The following ARID4A variants were observed in gnomAD, a reference collection of about 807,000 sequenced individuals.
ARID4A encodes the protein AT-rich interactive domain-containing protein 4A.
A neutral mutation model predicts 148.6 loss-of-function variants in ARID4A; 39 were observed. The observed-to-expected ratio is 0.26, with a 90% CI of 0.20 to 0.34. The LOEUF is 0.34. Ranked by LOEUF, ARID4A falls within the 10% of genes least tolerant of loss-of-function variation. ARID4A has a pLI of 1.00. For missense variants in ARID4A, 1,265 were observed against 1,449.1 expected (o/e 0.87, Z 2.06); for synonymous variants, 475 against 481.2 (o/e 0.99, Z 0.17).
intron 5 of ARID4A, among the ~76,000 whole-genome samples, chr14:58,310,197 T>G (rs868057821): frequency 1.3e-4 from 20 of 152,148 alleles, no homozygotes; most frequent in Admixed American, 6.5e-5. Context: ...TTTCTTAAAT[T>G]TTCAGATTCC....
At chr14:58,362,347 G>C (rs760325212) in intron 19 of ARID4A, among the ~76,000 whole-genome samples, 6 of 152,076 alleles carry the variant, frequency 3.9e-5, no homozygotes, top group Non-Finnish European at 8.8e-5. Context: ...CCAGCACCTT[G>C]GGAGGCTGAG....
chr14:58,335,542 A>T (rs934132181), intron 11 of ARID4A, among the ~76,000 whole-genome samples: 4 of 151,730 alleles, frequency 2.6e-5, no homozygotes, highest in Non-Finnish European at 5.9e-5. Context: ...CAAACTCCCA[A>T]CCTCAGGTGA....
chr14:58,366,812 T>C, intron 22 of ARID4A, 71 bp from the exon 23 acceptor site: 1 of 1,214,734 alleles, frequency 8.2e-7, no homozygotes. Flanking sequence ...GTTAGACGTT[T>C]GATAGAATTG....
In ARID4A at chr14:58,372,111, T is replaced by G. The variant is rs1306205861; in HGVS notation, c.*122T>G. On this transcript the variant is annotated 3_prime_UTR_variant, in exon 24 of 24. Coordinates refer to ENST00000355431, the MANE Select transcript of ARID4A (RefSeq NM_002892.4). Reference sequence around the variant, plus strand: ...TTGCTAAGTATATCCTGTATACTTTTCCAGGCTGGATTGTATCTATTCCCC... The same window carrying G: ...TTGCTAAGTATATCCTGTATACTTTGCCAGGCTGGATTGTATCTATTCCCC... 4.4e-6 allele frequency: 3 copies of G among 680,946 alleles called. No homozygotes were observed. Among genetic ancestry groups the G allele is most frequent in the Non-Finnish European group, 7.6e-6 (3 of 393,938 alleles). The allele number at this position is 680,946 out of a possible 1,614,324, so 42.2% of individuals were successfully genotyped here. A position where few individuals can be genotyped will look rare whatever the true frequency, so the allele number is the denominator to read the frequency against.
chr14:58,318,354 G>A (rs577814457), intron 5 of ARID4A, among the ~76,000 whole-genome samples, 188 bp from the exon 6 acceptor site: 161 of 152,298 alleles, frequency 1.1e-3, no homozygotes, highest in Middle Eastern at 3.4e-3. Flanking sequence ...CATTTAACCT[G>A]TGTTTTTGGT....
chr14:58,365,235 T>G lies in ARID4A; in HGVS notation c.3146T>G (p.Phe1049Cys). The G allele has an allele frequency of 1.2e-6, 2 of 1,614,052 alleles. No homozygotes were observed. The highest frequency in any genetic ancestry group is 2.2e-5 in the South Asian group (2 of 91,068). The change falls in exon 20 of 24, where the codon TTT becomes TGT. Residue 1049 changes from phenylalanine to cysteine, a missense_variant. By Grantham distance (205) the Phe-to-Cys change is radical. Coordinates refer to ENST00000355431, the MANE Select transcript of ARID4A (RefSeq NM_002892.4). The part of the protein sequence containing the change: ...GLCERESANG[F>C]ETNVASGTCS... ...TGTGAGAGGGAATCGGCAAATGGAT[T>G]TGAAACTAATGTTGCCTCTGGTACC...
Position 58,373,190 on chromosome 14 carries a change from C to T in ARID4A, c.*1201C>T. 1 of 200,620 alleles carries T rather than the reference C, an allele frequency of 5.0e-6. No homozygotes were observed. 12.4% of individuals were successfully genotyped at this position (200,620 alleles called of 1,614,324 possible). A position where few individuals can be genotyped will look rare whatever the true frequency, so the allele number is the denominator to read the frequency against. On this transcript the variant is annotated 3_prime_UTR_variant, in exon 24 of 24. Transcript: ENST00000355431. Reference sequence around the variant, plus strand: ...TGTCACAGTTTTTATGTTTGCTATACTGCCGAATGAATTTATATCTCCCAA... The same window carrying T: ...TGTCACAGTTTTTATGTTTGCTATATTGCCGAATGAATTTATATCTCCCAA...
At chr14:58,370,783 G>GT (rs910173040) in intron 23 of ARID4A, among the ~76,000 whole-genome samples, 3 of 148,492 alleles carry the variant, frequency 2.0e-5, no homozygotes, top group African/African-American at 4.9e-5. Flanking sequence ...TAATTTTTTA[G>GT]TTTTTTTTGT....
At chr14:58,343,576 C>G (rs762082672) in intron 11 of ARID4A, among the ~76,000 whole-genome samples, 3 of 152,074 alleles carry the variant, frequency 2.0e-5, no homozygotes, top group Non-Finnish European at 4.4e-5. Context: ...TGCCTGTAAT[C>G]CCAGCACTTT....
chr14:58,321,517 C>T (rs2032887853), intron 7 of ARID4A, among the ~76,000 whole-genome samples: 2 of 152,064 alleles, frequency 1.3e-5, no homozygotes, highest in Non-Finnish European at 2.9e-5. Flanking sequence ...GACAAGGTAT[C>T]CTAGGCTCAT....
chr14:58,351,364 G>A (rs768714022), intron 16 of ARID4A, 41 bp downstream of exon 16: 3 of 1,562,130 alleles, frequency 1.9e-6, no homozygotes, highest in Non-Finnish European at 2.6e-6. Context: ...CACCTGTCTG[G>A]GGTACAACAG....
chr14:58,335,540 C>A (rs1249392555), intron 11 of ARID4A, among the ~76,000 whole-genome samples: 3 of 151,980 alleles, frequency 2.0e-5, no homozygotes, highest in African/African-American at 7.2e-5. Context: ...CTCAAACTCC[C>A]AACCTCAGGT....
chr14:58,372,110 T>C lies in ARID4A; in HGVS notation c.*121T>C. ...ATTGCTAAGTATATCCTGTATACTT[T>C]TCCAGGCTGGATTGTATCTATTCCC... On this transcript the variant is annotated 3_prime_UTR_variant, in exon 24 of 24. Coordinates refer to ENST00000355431, the MANE Select transcript of ARID4A (RefSeq NM_002892.4). 2 of 680,246 alleles carry C rather than the reference T, an allele frequency of 2.9e-6. No homozygotes were observed. Among genetic ancestry groups the C allele is most frequent in the Non-Finnish European group, 2.5e-6 (1 of 394,016 alleles). The allele number at this position is 680,246 out of a possible 1,614,324, so 42.1% of individuals were successfully genotyped here. A position where few individuals can be genotyped will look rare whatever the true frequency, so the allele number is the denominator to read the frequency against.
chr14:58,308,177 T>C lies in ARID4A; in HGVS notation c.274+2065T>C, dbSNP rs190695994. ...AAACTAGTCACTGCTAAGCATTCTCTATGGTGATTTTCTGTGTTGGATAAT... is the reference window on the plus strand; with the variant it reads ...AAACTAGTCACTGCTAAGCATTCTCCATGGTGATTTTCTGTGTTGGATAAT... On this transcript the variant is annotated intron_variant, in intron 5 of 23. Coordinates refer to ENST00000355431, the MANE Select transcript of ARID4A (RefSeq NM_002892.4). Among the ~76,000 whole-genome samples the C allele has an allele frequency of 1.9e-3, 289 of 152,350 alleles. 8 individuals carry two copies. Among genetic ancestry groups the C allele is most frequent in the Non-Finnish European group, 7.2e-4 (49 of 68,038 alleles).
intron 22 of ARID4A, among the ~76,000 whole-genome samples, chr14:58,366,521 A>C (rs1355612041): frequency 1.3e-5 from 2 of 152,196 alleles, no homozygotes; most frequent in African/African-American, 4.8e-5. Flanking sequence ...ACAATTAGAA[A>C]TAGCCAGTAG....
intron 7 of ARID4A, among the ~76,000 whole-genome samples, chr14:58,319,593 T>C (rs1328918246): frequency 8.5e-6 from 1 of 117,138 alleles, no homozygotes; most frequent in Non-Finnish European, 1.6e-5. Context: ...CCACCAAGGC[T>C]GGAGTGCAGT....
intron 4 of ARID4A, among the ~76,000 whole-genome samples, chr14:58,305,812 T>G (rs2031555685): frequency 6.6e-6 from 1 of 152,210 alleles, no homozygotes. Context: ...GTAGGGGTAA[T>G]AATAGCTACC....
intron 15 of ARID4A, among the ~76,000 whole-genome samples, chr14:58,350,602 ATG>A (rs2034592271): frequency 6.6e-6 from 1 of 152,234 alleles, no homozygotes; most frequent in Admixed American, 6.5e-5. Flanking sequence ...TACAGTGACA[ATG>A]TAAATTTTGT....
rs762073872 is a variant in ARID4A at position 58,317,241 on chromosome 14, A to G, written c.275-1301A>G. Among the ~76,000 whole-genome samples, 44 of 149,568 alleles carry G rather than the reference A, an allele frequency of 2.9e-4. 1 individual carries two copies. The highest frequency in any genetic ancestry group is 6.1e-4 in the Non-Finnish European group (41 of 67,470). On this transcript the variant is annotated intron_variant, in intron 5 of 23. Transcript: ENST00000355431. ...AAGCAAAAAATTTGAGAAAGCATCT[A>G]TGTAATTATGATTTTTTTTAAAGTT... is the stretch of plus-strand genomic sequence containing the variant.
Sources: gnomAD v4.1 joint callset for allele counts (sites outside exome capture counted in the v4.1 genomes callset) on GRCh38, gnomAD v4.1.1 for gene constraint, MANE v1.5 for transcripts, NCBI Gene and HGNC (gene_info 2026-07-23, HGNC 2026-07-21) for gene names.